SUGCT: variants seen among roughly 807,000 people sequenced by gnomAD.
SUGCT encodes the protein succinyl-CoA:glutarate CoA-transferase.
In SUGCT, 41 loss-of-function variants were observed where a neutral mutation model predicts 55.0. The ratio of observed to expected loss-of-function variants is 0.74; its 90% confidence interval spans 0.58 to 0.97. The LOEUF is 0.97. Ranked by LOEUF, SUGCT falls within the 50% of genes least tolerant of loss-of-function variation. The pLI, the probability that SUGCT is intolerant of heterozygous loss-of-function variation, is 0.00. For missense variants in SUGCT, 568 were observed against 547.8 expected (o/e 1.04, Z -0.37); for synonymous variants, 187 against 200.4 (o/e 0.93, Z 0.56).
chr7:40,817,982 A>T (rs1791764124), intron 13 of SUGCT, among the ~76,000 whole-genome samples: 1 of 152,178 alleles, frequency 6.6e-6, no homozygotes, highest in Non-Finnish European at 1.5e-5. Context: ...TTGACAAAGA[A>T]ATCAAGAAAT....
intron 13 of SUGCT, among the ~76,000 whole-genome samples, chr7:40,822,678 G>T (rs1792085447): frequency 6.6e-6 from 1 of 152,160 alleles, no homozygotes. Context: ...CTGAGGAGCT[G>T]CAAGGGAACC....
intron 8 of SUGCT, among the ~76,000 whole-genome samples, chr7:40,298,423 T>C (rs555553137): frequency 6.6e-6 from 1 of 152,300 alleles, no homozygotes; most frequent in South Asian, 2.1e-4. Context: ...TCCATTGGTC[T>C]TTGTTCTTTC....
At chr7:40,248,002 T>C (rs10951628) in intron 7 of SUGCT, among the ~76,000 whole-genome samples, 61,139 of 125,326 alleles carry the variant, frequency 0.49, 12,648 homozygotes, top group Admixed American at 0.55. Flanking sequence ...TTCTTGTGTT[T>C]TTGTTTTTTT....
intron 5 of SUGCT, among the ~76,000 whole-genome samples, chr7:40,194,103 G>GA (rs982615553): frequency 6.6e-6 from 1 of 151,696 alleles, no homozygotes; most frequent in Non-Finnish European, 1.5e-5. Flanking sequence ...GTAGCCTGAA[G>GA]AAAAAAAACT....
chr7:40,592,400 C>T (rs1025315144), intron 12 of SUGCT, among the ~76,000 whole-genome samples: 4 of 152,172 alleles, frequency 2.6e-5, no homozygotes, highest in Non-Finnish European at 2.9e-5. Flanking sequence ...CTGGAAGAGA[C>T]ATCCATCCTC....
chr7:40,686,443 A>G (rs530443232), intron 12 of SUGCT, among the ~76,000 whole-genome samples: 4 of 152,348 alleles, frequency 2.6e-5, no homozygotes, highest in South Asian at 4.1e-4. Flanking sequence ...AATTTGCATA[A>G]AAATTAAAAT....
intron 12 of SUGCT, among the ~76,000 whole-genome samples, chr7:40,553,602 T>C (rs1177866346): frequency 6.6e-6 from 1 of 152,220 alleles, no homozygotes; most frequent in Non-Finnish European, 1.5e-5. Flanking sequence ...ATGTCCACCC[T>C]CTACACGTAG....
At chr7:40,974,926 C>T in the SUGCT span, among the ~76,000 whole-genome samples, 62,657 of 152,012 alleles carry the variant, frequency 0.41, 14,427 homozygotes, top group Admixed American at 0.54. Flanking sequence ...GAAGTACTTG[C>T]GAAAATCTGC....
the SUGCT span, among the ~76,000 whole-genome samples, chr7:40,900,209 A>G: frequency 1.3e-5 from 2 of 152,228 alleles, no homozygotes; most frequent in Admixed American, 1.3e-4. Context: ...TTGTCATTCA[A>G]TGCCCAGAGC....
At chr7:41,018,370 C>A in the SUGCT span, among the ~76,000 whole-genome samples, 1 of 152,142 alleles carries the variant, frequency 6.6e-6, no homozygotes, top group African/African-American at 2.4e-5. Flanking sequence ...TTTCCTGCTT[C>A]TCACTTCTCT....
chr7:40,206,501 C>T (rs986811772), intron 6 of SUGCT, among the ~76,000 whole-genome samples: 1 of 152,080 alleles, frequency 6.6e-6, no homozygotes, highest in Non-Finnish European at 1.5e-5. Context: ...TCAGTGAAAT[C>T]CAACTTGTAA....
intron 10 of SUGCT, among the ~76,000 whole-genome samples, chr7:40,456,158 T>C (rs1347098445): frequency 6.6e-6 from 1 of 152,160 alleles, no homozygotes; most frequent in African/African-American, 2.4e-5. Context: ...CCTGAGTAGC[T>C]GGGATTACAG....
chr7:40,171,047 A>G (rs957789386), intron 1 of SUGCT, among the ~76,000 whole-genome samples: 2 of 152,224 alleles, frequency 1.3e-5, no homozygotes, highest in African/African-American at 4.8e-5. Context: ...AATTTATTTC[A>G]GAGAGGGTGT....
chr7:40,900,147 C>T, the SUGCT span, among the ~76,000 whole-genome samples: 1 of 152,230 alleles, frequency 6.6e-6, no homozygotes, highest in Non-Finnish European at 1.5e-5. Flanking sequence ...GGAAACTTGG[C>T]TCATACTTTT....
At chr7:40,850,696 C>T (rs914772983) in intron 13 of SUGCT, among the ~76,000 whole-genome samples, 9 of 152,108 alleles carry the variant, frequency 5.9e-5, no homozygotes, top group Admixed American at 3.3e-4. Flanking sequence ...TTATGTAACA[C>T]GTGGTTAAGA....
chr7:40,284,733 TA>T (rs1211420497), intron 8 of SUGCT, among the ~76,000 whole-genome samples: 1 of 151,668 alleles, frequency 6.6e-6, no homozygotes, highest in East Asian at 1.9e-4. Flanking sequence ...TTCAATTAAA[TA>T]AAAAATCATC....
intron 9 of SUGCT, among the ~76,000 whole-genome samples, chr7:40,317,452 A>C (rs1255545391): frequency 6.6e-6 from 1 of 152,180 alleles, no homozygotes; most frequent in Non-Finnish European, 1.5e-5. Flanking sequence ...TCTTCTTCCA[A>C]TCCAGTTGCT....
chr7:40,664,808 G>A (rs1317954426), intron 12 of SUGCT, among the ~76,000 whole-genome samples: 3 of 151,698 alleles, frequency 2.0e-5, no homozygotes, highest in Non-Finnish European at 4.4e-5. Flanking sequence ...GTGAAACCCC[G>A]TCTCTATTAA....
chr7:40,335,524 T>C (rs1039739940), intron 9 of SUGCT, among the ~76,000 whole-genome samples: 64 of 151,996 alleles, frequency 4.2e-4, no homozygotes, highest in Admixed American at 1.4e-3. Context: ...TGAATGGGAG[T>C]TCACTCATGA....
Sources: gnomAD v4.1 joint callset for allele counts (sites outside exome capture counted in the v4.1 genomes callset) on GRCh38, gnomAD v4.1.1 for gene constraint, MANE v1.5 for transcripts, NCBI Gene and HGNC (gene_info 2026-07-23, HGNC 2026-07-21) for gene names.